The following MEI4 variants were observed in gnomAD, a reference collection of about 807,000 sequenced individuals.
MEI4 encodes meiotic double-stranded break formation protein 4, also known as meiosis-specific protein MEI4.
MEI4 carries 27 observed loss-of-function variants against 31.4 expected under a neutral mutation model. The observed-to-expected ratio is 0.86, with a 90% CI of 0.63 to 1.19. The LOEUF is 1.19. Ranked by LOEUF, MEI4 falls within the 50% of genes most tolerant of loss-of-function variation. MEI4 has a pLI of 0.00. For missense variants in MEI4, 329 were observed against 398.9 expected (o/e 0.82, Z 1.49); for synonymous variants, 122 against 145.4 (o/e 0.84, Z 1.16).
At chr6:77,708,017 G>A (rs534704317) in intron 2 of MEI4, among the ~76,000 whole-genome samples, 1 of 152,342 alleles carries the variant, frequency 6.6e-6, no homozygotes, top group Non-Finnish European at 1.5e-5. Flanking sequence ...AGCATTGAAG[G>A]GAAATTTGGG....
At chr6:77,841,399 G>A (rs1013053570) in intron 4 of MEI4, among the ~76,000 whole-genome samples, 2 of 138,982 alleles carry the variant, frequency 1.4e-5, no homozygotes, top group African/African-American at 5.5e-5. Context: ...GAGTGCAATG[G>A]TGTGATCTCA....
rs142670378 is a variant in MEI4 at position 77,706,179 on chromosome 6, A to G, written c.232+15276A>G. Among the ~76,000 whole-genome samples the G allele has an allele frequency of 2.7e-3, 411 of 152,320 alleles. 2 individuals are homozygous for G. The highest frequency in any genetic ancestry group is 4.9e-3 in the Non-Finnish European group (335 of 68,032). On this transcript the variant is annotated intron_variant, in intron 2 of 4. Coordinates refer to ENST00000684080, the MANE Select transcript of MEI4 (RefSeq NM_001322247.2). Reference sequence around the variant, plus strand: ...CTGTAAAAAGCTAGACATAAAACCTAGAAACATTACTCTAACCTTCTTCTG... The same window carrying G: ...CTGTAAAAAGCTAGACATAAAACCTGGAAACATTACTCTAACCTTCTTCTG...
At chr6:77,885,788 G>A (rs777397486) in intron 4 of MEI4, among the ~76,000 whole-genome samples, 4 of 152,142 alleles carry the variant, frequency 2.6e-5, no homozygotes, top group African/African-American at 4.8e-5. Flanking sequence ...AGTCCAGTAT[G>A]TTGTTAGCTG....
At chr6:77,848,615 C>T in intron 4 of MEI4, among the ~76,000 whole-genome samples, 1 of 152,080 alleles carries the variant, frequency 6.6e-6, no homozygotes, top group East Asian at 1.9e-4. Context: ...GGAAAGTGCA[C>T]TTGTTGGTTG....
chr6:77,713,380 GTTTGT>G (rs1225575132), intron 2 of MEI4, among the ~76,000 whole-genome samples: 1 of 151,784 alleles, frequency 6.6e-6, no homozygotes, highest in Admixed American at 6.6e-5. Context: ...TTTTTTGTTT[GTTTGT>G]TTTAAGGAAT....
chr6:77,727,502 A>G (rs1228766918), intron 2 of MEI4, among the ~76,000 whole-genome samples: 5 of 152,220 alleles, frequency 3.3e-5, no homozygotes, highest in Admixed American at 2.0e-4. Context: ...GTTGGAAGAC[A>G]GTATTGCCCA....
chr6:77,745,052 C>G (rs1190776630), intron 2 of MEI4, among the ~76,000 whole-genome samples: 3 of 152,174 alleles, frequency 2.0e-5, no homozygotes, highest in Non-Finnish European at 2.9e-5. Context: ...TAGGAGGAAA[C>G]TGCATCAACT....
chr6:77,798,596 C>T (rs1479758199), intron 3 of MEI4, among the ~76,000 whole-genome samples: 1 of 150,522 alleles, frequency 6.6e-6, no homozygotes, highest in East Asian at 2.0e-4. Flanking sequence ...CACCCATTAA[C>T]TCATCATTTA....
rs140516876 is a variant in MEI4, at chr6:77,895,530, A to G, written c.901-27559A>G. On this transcript the variant is annotated intron_variant, in intron 4 of 4. Transcript: ENST00000684080. ...AATTGAGTCTGCAGGATCATCATTC[A>G]TGGTTCAGCTCATTTCCTGCCCTTC... is the stretch of plus-strand genomic sequence containing the variant. 1.4e-3 allele frequency among the ~76,000 whole-genome samples: 213 copies of G among 152,234 alleles called. 1 individual carries two copies. The highest frequency in any genetic ancestry group is 4.5e-3 in the African/African-American group (187 of 41,548).
intron 3 of MEI4, among the ~76,000 whole-genome samples, chr6:77,804,928 T>C (rs1313358048): frequency 6.7e-6 from 1 of 150,130 alleles, no homozygotes; most frequent in Non-Finnish European, 1.5e-5. Context: ...ACAAATATAT[T>C]TTATGGGGCA....
chr6:77,673,148 A>G (rs1181709725), intron 1 of MEI4, among the ~76,000 whole-genome samples: 1 of 152,182 alleles, frequency 6.6e-6, no homozygotes, highest in African/African-American at 2.4e-5. Context: ...GATCAATATA[A>G]TGGTTAAATT....
chr6:77,916,013 T>A (rs182620624), intron 4 of MEI4, among the ~76,000 whole-genome samples: 84 of 152,188 alleles, frequency 5.5e-4, no homozygotes, highest in Admixed American at 1.6e-3. Flanking sequence ...ATTTTCAAGT[T>A]CTGGATTTTT....
intron 2 of MEI4, among the ~76,000 whole-genome samples, chr6:77,730,365 A>G (rs1766945480): frequency 6.6e-6 from 1 of 152,112 alleles, no homozygotes; most frequent in Non-Finnish European, 1.5e-5. Context: ...TGTGATATTG[A>G]CATCACAATA....
chr6:77,713,489 A>G (rs951844684), intron 2 of MEI4, among the ~76,000 whole-genome samples: 2 of 152,182 alleles, frequency 1.3e-5, no homozygotes, highest in Non-Finnish European at 1.5e-5. Flanking sequence ...CAAATATTTA[A>G]GAGTGTTGTG....
At chr6:77,709,905 A>G (rs958803310) in intron 2 of MEI4, among the ~76,000 whole-genome samples, 1 of 152,134 alleles carries the variant, frequency 6.6e-6, no homozygotes, top group Non-Finnish European at 1.5e-5. Context: ...ACCACAATGC[A>G]TCTTCTCCTA....
At chr6:77,767,951 C>A (rs578196066) in intron 3 of MEI4, among the ~76,000 whole-genome samples, 2 of 152,148 alleles carry the variant, frequency 1.3e-5, no homozygotes, top group African/African-American at 4.8e-5. Context: ...GTATACTATA[C>A]ATTTAAATAC....
chr6:77,813,399 A>G (rs757788937), intron 3 of MEI4, among the ~76,000 whole-genome samples: 2 of 152,136 alleles, frequency 1.3e-5, no homozygotes, highest in Non-Finnish European at 2.9e-5. Context: ...CCTACCCCTA[A>G]GAAAAGCAAA....
At chr6:77,691,119 A>G (rs1428904064) in intron 2 of MEI4, among the ~76,000 whole-genome samples, 1 of 152,048 alleles carries the variant, frequency 6.6e-6, no homozygotes, top group Non-Finnish European at 1.5e-5. Context: ...GAGAATGAAA[A>G]TAGTATAGAT....
chr6:77,884,101 A>G (rs940315069), intron 4 of MEI4, among the ~76,000 whole-genome samples: 9 of 152,042 alleles, frequency 5.9e-5, no homozygotes, highest in Non-Finnish European at 1.3e-4. Context: ...CACTTCCCTT[A>G]TGACTAATGA....
Sources: allele counts gnomAD v4.1 joint callset (sites outside exome capture counted in the v4.1 genomes callset), GRCh38; gene constraint gnomAD v4.1.1; transcripts MANE v1.5; gene names NCBI Gene and HGNC (gene_info 2026-07-23, HGNC 2026-07-21).